XPOT: variants seen among roughly 807,000 people sequenced by gnomAD.
The protein encoded by XPOT is exportin for tRNA.
A neutral mutation model predicts 128.2 loss-of-function variants in XPOT; 34 were observed. The ratio of observed to expected loss-of-function variants is 0.27; its 90% CI spans 0.20 to 0.35. XPOT has a LOEUF of 0.35. Among genes scored for constraint, XPOT ranks in the 10% least tolerant of loss-of-function variants. The pLI, the probability that XPOT is intolerant of heterozygous loss-of-function variation, is 1.00. For synonymous variants in XPOT, 348 were observed against 394.3 expected, an observed-to-expected ratio of 0.88 and a Z score of 1.39; for missense variants, 838 against 1,125.3, an observed-to-expected ratio of 0.74 and a Z score of 3.65.
intron 23 of XPOT, among the ~76,000 whole-genome samples, chr12:64,439,617 T>G (rs2136036330): frequency 6.6e-6 from 1 of 152,314 alleles, no homozygotes; most frequent in African/African-American, 2.4e-5. Flanking sequence ...TATGCATTTT[T>G]TTAAAAAAAC....
chr12:64,448,032 C>A, intron 24 of XPOT, 73 bp from the exon 25 acceptor site: 3 of 1,366,164 alleles, frequency 2.2e-6, no homozygotes, highest in Admixed American at 1.7e-5. Context: ...CACTCAGATA[C>A]TTGGAGCCAT....
intron 16 of XPOT, among the ~76,000 whole-genome samples, chr12:64,429,615 A>AT (rs1475501769): frequency 6.6e-6 from 1 of 151,794 alleles, no homozygotes; most frequent in African/African-American, 2.4e-5. Flanking sequence ...TAATTTTTGT[A>AT]TTTTTAGTAG....
At chr12:64,421,563 AC>A in intron 9 of XPOT, 92 bp downstream of exon 9, 1 of 825,110 alleles carries the variant, frequency 1.2e-6, no homozygotes, top group Non-Finnish European at 2.0e-6. Context: ...ATGAGAAAAT[AC>A]CCATAATTCT....
rs777434002 is a variant in XPOT at position 64,414,884 on chromosome 12, T to C, written c.61-23T>C. ...TTGAGATTGTTTATTCTAAATGCATTTTTTTGTTTTGCAATCTTATAGGCC... is the reference window on the plus strand; with the variant it reads ...TTGAGATTGTTTATTCTAAATGCATCTTTTTGTTTTGCAATCTTATAGGCC... On this transcript the variant is annotated intron_variant, in intron 2 of 24. Coordinates refer to ENST00000332707, the MANE Select transcript of XPOT (RefSeq NM_007235.6). 40 of 1,531,934 alleles carry C rather than the reference T, an allele frequency of 2.6e-5. No individual in the cohort carries two copies. The Admixed American group carries it at 3.2e-4, about 12-fold the overall frequency. 94.9% of individuals were successfully genotyped at this position (1,531,934 alleles called of 1,614,324 possible).
At chr12:64,416,825 T>G in intron 4 of XPOT, 71 bp downstream of exon 4, 2 of 1,340,336 alleles carry the variant, frequency 1.5e-6, no homozygotes, top group Non-Finnish European at 2.1e-6. Context: ...ATGTTTTTCT[T>G]CCATAAGGAA....
chr12:64,417,618 A>G (rs12827367), intron 4 of XPOT, among the ~76,000 whole-genome samples: 2 of 152,154 alleles, frequency 1.3e-5, no homozygotes, highest in Non-Finnish European at 2.9e-5. Flanking sequence ...ATCTGGTAAC[A>G]CCAGGCCTGT....
intron 18 of XPOT, among the ~76,000 whole-genome samples, chr12:64,432,173 G>T (rs1305063365): frequency 6.6e-6 from 1 of 152,102 alleles, no homozygotes; most frequent in Non-Finnish European, 1.5e-5. Context: ...ATGTATTAAA[G>T]TCAGTTTTCT....
At chr12:64,426,641 C>T (rs961842477) in intron 15 of XPOT, among the ~76,000 whole-genome samples, 3 of 152,102 alleles carry the variant, frequency 2.0e-5, no homozygotes, top group Non-Finnish European at 4.4e-5. Context: ...CTCAGCATCC[C>T]GTGATATACC....
chr12:64,423,890 A>T (rs989145847), intron 11 of XPOT, among the ~76,000 whole-genome samples: 1 of 152,102 alleles, frequency 6.6e-6, no homozygotes, highest in Non-Finnish European at 1.5e-5. Flanking sequence ...GCAGAGTGGA[A>T]ATGAGGCGCT....
chr12:64,436,254 C>A (rs1592338403), intron 22 of XPOT, among the ~76,000 whole-genome samples: 3 of 151,944 alleles, frequency 2.0e-5, no homozygotes, highest in African/African-American at 7.3e-5. Context: ...AGCCACTGCG[C>A]CTGGCCTATT....
At chr12:64,425,274 A>C in intron 13 of XPOT, 64 bp from the exon 14 acceptor site, 2 of 1,609,964 alleles carry the variant, frequency 1.2e-6, no homozygotes, top group Non-Finnish European at 1.7e-6. Context: ...AGTATATGTT[A>C]ATACCGGGGC....
At chr12:64,431,482 C>T (rs1023100698) in intron 17 of XPOT, 56 bp from the exon 18 acceptor site, 8 of 1,564,658 alleles carry the variant, frequency 5.1e-6, no homozygotes, top group East Asian at 4.5e-5. Context: ...TTGAATACTC[C>T]ATAACACTTT....
intron 18 of XPOT, 54 bp downstream of exon 18, chr12:64,431,877 C>A (rs1387976129): frequency 5.2e-6 from 8 of 1,549,856 alleles, no homozygotes; most frequent in Non-Finnish European, 6.9e-6. Context: ...ATGTATTTAT[C>A]TTCAGACATG....
At chr12:64,443,771 G>A (rs1384916724) in intron 23 of XPOT, among the ~76,000 whole-genome samples, 1 of 152,026 alleles carries the variant, frequency 6.6e-6, no homozygotes, top group Admixed American at 6.6e-5. Flanking sequence ...GTGTTTTTTT[G>A]AAGTTTTTAT....
chr12:64,423,197 G>A lies in XPOT; in HGVS notation c.1135G>A (p.Val379Ile), dbSNP rs772700194. 6.9e-6 allele frequency: 11 copies of A among 1,595,266 alleles called. No homozygotes were observed. The highest frequency in any genetic ancestry group is 2.3e-5 in the South Asian group (2 of 86,092). ...TTATTCTTAGGCAATCATGTTGGCC[G>A]TTATGAAAAAATTGACTTACGATGA... is the stretch of plus-strand genomic sequence containing the variant. The part of the protein sequence containing the change: ...KANVEAIMLA[V>I]MKKLTYDEEY... The change falls in exon 11 of 25, where the codon GTT (valine) becomes ATT (isoleucine). Residue 379 changes from valine to isoleucine, a missense_variant. Around this residue, in one of 3 missense-constraint regions of XPOT, gnomAD observed 761 missense variants for 988.3 expected, o/e 0.77. Transcript: ENST00000332707.
intron 1 of XPOT, 160 bp from the exon 2 acceptor site, chr12:64,409,802 G>C: frequency 2.0e-6 from 1 of 507,262 alleles, no homozygotes; most frequent in South Asian, 2.8e-5. Flanking sequence ...ATTTTTCTGA[G>C]AATTAGGCTC....
intron 11 of XPOT, among the ~76,000 whole-genome samples, chr12:64,424,049 A>T (rs1298545505): frequency 1.3e-5 from 2 of 152,192 alleles, no homozygotes; most frequent in Non-Finnish European, 2.9e-5. Flanking sequence ...CACCTCAGAC[A>T]TTCAAAAACT....
intron 18 of XPOT, among the ~76,000 whole-genome samples, chr12:64,432,739 T>G (rs1329653633): frequency 6.6e-6 from 1 of 152,194 alleles, no homozygotes; most frequent in African/African-American, 2.4e-5. Flanking sequence ...AACATGCTAT[T>G]AAACAATGTT....
At position 64,445,064 on chromosome 12, in the gene XPOT, C is replaced by T. The variant is rs1197166855; in HGVS notation, c.2806-11C>T. ...TTTGTTCTTTTTCTCCCTCTTTTCC[C>T]CACCCCCCAGGAGTTTTGTCAAGCG... On this transcript the variant is annotated splice_polypyrimidine_tract_variant and intron_variant, in intron 23 of 24. Transcript: ENST00000332707. The T allele has an allele frequency of 6.3e-7, 1 of 1,599,668 alleles. No homozygotes were observed. Among genetic ancestry groups the T allele is most frequent in the Non-Finnish European group, 8.5e-7 (1 of 1,174,222 alleles).
Sources: allele counts gnomAD v4.1 joint callset (sites outside exome capture counted in the v4.1 genomes callset), GRCh38; gene constraint gnomAD v4.1.1; regional missense constraint gnomAD v4.1.1; transcripts MANE v1.5; gene names NCBI Gene and HGNC (gene_info 2026-07-23, HGNC 2026-07-21).